The following MON2 variants were observed in gnomAD, a reference collection of about 807,000 sequenced individuals.
MON2 encodes protein MON2 homolog.
A neutral mutation model predicts 208.6 loss-of-function variants in MON2; 84 were observed. The observed-to-expected ratio is 0.40, with a 90% CI of 0.34 to 0.48. The LOEUF (loss-of-function observed/expected upper bound fraction) is 0.48, where lower values mean the gene tolerates loss of function less well. Among genes scored for constraint, MON2 ranks in the 20% least tolerant of loss-of-function variants. The probability of loss-of-function intolerance (pLI) is 0.59; values close to 1 mark genes in which losing one functional copy is unlikely to be tolerated. For synonymous variants in MON2, 660 were observed against 694.0 expected (o/e 0.95, Z 0.77); for missense variants, 1,611 against 2,015.4 (o/e 0.80, Z 3.84).
chr12:62,492,455 T>C (rs1324213240), intron 2 of MON2, among the ~76,000 whole-genome samples: 1 of 142,154 alleles, frequency 7.0e-6, no homozygotes, highest in East Asian at 2.1e-4. Context: ...CACTGCAAGC[T>C]CCGCTTCCCG....
At chr12:62,538,574 C>G in intron 19 of MON2, 69 bp downstream of exon 19, 2 of 1,091,584 alleles carry the variant, frequency 1.8e-6, no homozygotes, top group Non-Finnish European at 2.7e-6. Flanking sequence ...CCATTATGAT[C>G]TTAGTGTTTT....
chr12:62,568,415 T>A (rs2074463369), intron 29 of MON2, among the ~76,000 whole-genome samples: 1 of 152,176 alleles, frequency 6.6e-6, no homozygotes, highest in Non-Finnish European at 1.5e-5. Flanking sequence ...TATAGCTTAT[T>A]GCGGCCTCAA....
intron 1 of MON2, 146 bp from the exon 2 acceptor site, chr12:62,484,024 A>G (rs1406536458): frequency 1.6e-5 from 10 of 621,678 alleles, no homozygotes; most frequent in Non-Finnish European, 2.9e-5. Flanking sequence ...TACTGGGCTT[A>G]GTATCTGATG....
chr12:62,507,590 A>G (rs996233722), intron 7 of MON2, among the ~76,000 whole-genome samples: 6 of 152,048 alleles, frequency 3.9e-5, no homozygotes, highest in African/African-American at 1.4e-4. Flanking sequence ...AAGTGCTAAG[A>G]TTCCAGGCCT....
At chr12:62,571,208 C>A (rs542885059) in intron 29 of MON2, among the ~76,000 whole-genome samples, 184 bp from the exon 30 acceptor site, 1 of 152,178 alleles carries the variant, frequency 6.6e-6, no homozygotes, top group South Asian at 2.1e-4. Flanking sequence ...TCTTTCCAGG[C>A]AGTATTTGAG....
At chr12:62,469,307 C>G (rs751531382) in intron 1 of MON2, among the ~76,000 whole-genome samples, 2 of 152,098 alleles carry the variant, frequency 1.3e-5, no homozygotes, top group African/African-American at 4.8e-5. Context: ...GATTGTGCCA[C>G]TGTACTCCAG....
chr12:62,549,732 A>C lies in MON2; in HGVS notation c.2818A>C (p.Met940Leu). 1.2e-6 allele frequency: 2 copies of C among 1,613,042 alleles called. No individual in the cohort carries two copies. The highest frequency in any genetic ancestry group is 2.7e-5 in the African/African-American group (2 of 75,046). ...GGTTGTGACAGATTTTCTACCAACAATGCCTTGTACTTGCCTGCAAATAGT... is the reference window on the plus strand; with the variant it reads ...GGTTGTGACAGATTTTCTACCAACACTGCCTTGTACTTGCCTGCAAATAGT... Reference protein sequence around the residue: ...QLVVTDFLPTMPCTCLQIVVD... With the variant: ...QLVVTDFLPTLPCTCLQIVVD... The change falls in exon 23 of 35, where the codon ATG becomes CTG. Residue 940 changes from methionine (M) to leucine (L), a missense_variant. Transcript: ENST00000393630.
chr12:62,500,505 A>G lies in MON2; in HGVS notation c.566-278A>G, dbSNP rs538221616. On this transcript the variant is annotated intron_variant, in intron 5 of 34. Coordinates refer to ENST00000393630, the MANE Select transcript of MON2 (RefSeq NM_015026.3). ...ATCCATGAAAAAAAGGGGCTGAAGA[A>G]TGGGAGACTGGGAAACCAAATGTAT... Among the ~76,000 whole-genome samples the G allele has an allele frequency of 9.8e-5, 15 of 152,338 alleles. No individual in the cohort carries two copies. The East Asian group carries it at 1.3e-3, about 14-fold the overall frequency.
chr12:62,515,303 C>A (rs1409195555), intron 8 of MON2, among the ~76,000 whole-genome samples: 1 of 152,076 alleles, frequency 6.6e-6, no homozygotes, highest in African/African-American at 2.4e-5. Flanking sequence ...TATCATTCAG[C>A]CTTAAAGAAG....
rs1445938270 is a variant in MON2 at position 62,479,442 on chromosome 12, C to G, written c.112-4728C>G. On this transcript the variant is annotated intron_variant, in intron 1 of 34. Coordinates refer to ENST00000393630, the MANE Select transcript of MON2 (RefSeq NM_015026.3). Reference sequence around the variant, plus strand: ...TGTGTGTGTGTATATCCCCCCCCCCCCCCAAATATTTTTGATCTGCAGTTG... The same window carrying G: ...TGTGTGTGTGTATATCCCCCCCCCCGCCCAAATATTTTTGATCTGCAGTTG... Among the ~76,000 whole-genome samples the G allele has an allele frequency of 2.7e-4, 39 of 146,594 alleles. No homozygotes were observed. In the Admixed American group the frequency reaches 2.7e-3, roughly 10 times the overall value.
At chr12:62,544,738 T>C (rs1457924194) in intron 20 of MON2, 160 bp from the exon 21 acceptor site, 1 of 1,522,754 alleles carries the variant, frequency 6.6e-7, no homozygotes, top group African/African-American at 1.4e-5. Context: ...CTTCTGTCTC[T>C]CTATTGCTTG....
chr12:62,565,642 A>G (rs746247131), intron 27 of MON2, among the ~76,000 whole-genome samples: 5 of 152,186 alleles, frequency 3.3e-5, no homozygotes, highest in Non-Finnish European at 5.9e-5. Context: ...TCTCCAGTAC[A>G]TCTTTCTTGA....
chr12:62,507,486 T>C (rs1399098750), intron 7 of MON2, among the ~76,000 whole-genome samples: 1 of 150,722 alleles, frequency 6.6e-6, no homozygotes, highest in African/African-American at 2.4e-5. Flanking sequence ...CAGCTAATTT[T>C]TGTTGTTGTT....
chr12:62,577,483 T>C (rs1397418894), intron 30 of MON2, among the ~76,000 whole-genome samples: 1 of 152,164 alleles, frequency 6.6e-6, no homozygotes, highest in East Asian at 1.9e-4. Flanking sequence ...TTGTACATTA[T>C]ACTTAATATA....
chr12:62,535,140 T>A (rs2072908455), intron 13 of MON2, among the ~76,000 whole-genome samples: 1 of 152,176 alleles, frequency 6.6e-6, no homozygotes, highest in Non-Finnish European at 1.5e-5. Context: ...GAAAATACAG[T>A]CCTAAAATTA....
intron 19 of MON2, among the ~76,000 whole-genome samples, chr12:62,541,391 A>AG (rs1273590054): frequency 2.0e-5 from 3 of 151,876 alleles, no homozygotes; most frequent in African/African-American, 4.8e-5. Flanking sequence ...AAAAAAAAAA[A>AG]AGATAAAGCT....
chr12:62,512,668 G>A (rs1297380785), intron 8 of MON2, among the ~76,000 whole-genome samples: 1 of 152,148 alleles, frequency 6.6e-6, no homozygotes, highest in Non-Finnish European at 1.5e-5. Flanking sequence ...TGTCATTCTG[G>A]TGTCTGGACG....
At chr12:62,559,744 G>A (rs991560003) in intron 25 of MON2, among the ~76,000 whole-genome samples, 3 of 150,180 alleles carry the variant, frequency 2.0e-5, no homozygotes, top group Non-Finnish European at 4.4e-5. Flanking sequence ...TGACACTCTA[G>A]CCTGGGTAAC....
intron 30 of MON2, among the ~76,000 whole-genome samples, chr12:62,576,469 A>G (rs978572847): frequency 6.6e-6 from 1 of 152,118 alleles, no homozygotes; most frequent in Non-Finnish European, 1.5e-5. Context: ...TTTATAATAT[A>G]TAGATTATAT....
Sources: allele counts gnomAD v4.1 joint callset (sites outside exome capture counted in the v4.1 genomes callset), GRCh38; gene constraint gnomAD v4.1.1; transcripts MANE v1.5; gene names NCBI Gene and HGNC (gene_info 2026-07-23, HGNC 2026-07-21).